Variants in PAN3 observed in about 807,000 individuals in gnomAD.
PAN3 encodes PAN2-PAN3 deadenylation complex subunit PAN3.
PAN3 carries 19 observed loss-of-function variants against 96.2 expected under a neutral mutation model. The observed-to-expected ratio is 0.20, with a 90% confidence interval of 0.14 to 0.29. PAN3 has a LOEUF of 0.29. Ranked by LOEUF, PAN3 falls within the 10% of genes least tolerant of loss-of-function variation. The probability of loss-of-function intolerance (pLI) is 1.00; values close to 1 mark genes in which losing one functional copy is unlikely to be tolerated. For synonymous variants in PAN3, 433 were observed against 406.6 expected, an observed-to-expected ratio of 1.06 and a Z score of -0.78; for missense variants, 882 against 1,108.1, an observed-to-expected ratio of 0.80 and a Z score of 2.90.
intron 13 of PAN3, among the ~76,000 whole-genome samples, chr13:28,271,561 ATGAGGTACCCCTCATAAAGTTAT>A (rs1050098117): frequency 3.7e-4 from 56 of 152,310 alleles, no homozygotes; most frequent in African/African-American, 1.3e-3. Context: ...CTGCTTATTT[ATGAGGTACCCCTCATAAAGTTAT>A]TGAGGGATTT....
intron 4 of PAN3, among the ~76,000 whole-genome samples, chr13:28,195,216 G>A (rs1420299389): frequency 1.3e-5 from 2 of 151,986 alleles, no homozygotes; most frequent in African/African-American, 4.8e-5. Context: ...CAGCCTGGGT[G>A]ACATAATGAA....
rs560539043 is a variant in PAN3 at position 28,281,386 on chromosome 13, A to T, written c.2384+7A>T. On this transcript the variant is annotated splice_region_variant and intron_variant, in intron 17 of 18. Coordinates refer to ENST00000380958, the MANE Select transcript of PAN3 (RefSeq NM_175854.8). ...CAATCAATGAGAGGCCGGAGTAAGG[A>T]TTTACAGTATTTTACAATATATTTT... 21 of 1,595,332 alleles carry T rather than the reference A, an allele frequency of 1.3e-5. No individual in the cohort carries two copies. The African/African-American group carries it at 2.1e-4, about 16-fold the overall frequency.
At chr13:28,287,921 A>G in intron 17 of PAN3, 63 bp from the exon 18 acceptor site, 1 of 1,448,084 alleles carries the variant, frequency 6.9e-7, no homozygotes, top group Non-Finnish European at 9.2e-7. Flanking sequence ...AGTCTAAAAA[A>G]TAGACATATG....
chr13:28,202,338 AC>A (rs1383031824), intron 5 of PAN3, among the ~76,000 whole-genome samples: 2 of 151,992 alleles, frequency 1.3e-5, no homozygotes, highest in Non-Finnish European at 2.9e-5. Flanking sequence ...ACAGTATCTT[AC>A]CCCTCTTCCC....
intron 2 of PAN3, 69 bp from the exon 3 acceptor site, chr13:28,176,424 C>T: frequency 2.9e-6 from 4 of 1,397,368 alleles, no homozygotes; most frequent in Non-Finnish European, 4.1e-6. Flanking sequence ...GAGAGCCAGT[C>T]TTAATTGGTT....
chr13:28,240,915 T>G (rs1012627557), intron 6 of PAN3, among the ~76,000 whole-genome samples: 9 of 152,238 alleles, frequency 5.9e-5, no homozygotes, highest in Non-Finnish European at 1.2e-4. Flanking sequence ...AACATACATA[T>G]GCCTATGTCT....
At chr13:28,270,053 G>C (rs1032521016) in intron 12 of PAN3, among the ~76,000 whole-genome samples, 1 of 152,140 alleles carries the variant, frequency 6.6e-6, no homozygotes, top group Admixed American at 6.5e-5. Context: ...TGTAGCAAAA[G>C]TGTCTCTACA....
chr13:28,161,914 CAG>C (rs1233300381), intron 1 of PAN3, among the ~76,000 whole-genome samples: 4 of 152,150 alleles, frequency 2.6e-5, no homozygotes, highest in Non-Finnish European at 5.9e-5. Context: ...GGTTTTATAA[CAG>C]ATGTGTAAAA....
intron 7 of PAN3, among the ~76,000 whole-genome samples, chr13:28,258,086 G>A (rs895078282): frequency 3.9e-5 from 6 of 151,946 alleles, no homozygotes; most frequent in African/African-American, 1.2e-4. Flanking sequence ...CTGAAGTGCC[G>A]GGATTACAGG....
intron 17 of PAN3, among the ~76,000 whole-genome samples, chr13:28,281,763 A>G (rs948046807): frequency 2.4e-5 from 3 of 122,598 alleles, no homozygotes; most frequent in African/African-American, 9.1e-5. Flanking sequence ...CTATTAAAGC[A>G]CACTTTTTTT....
intron 6 of PAN3, among the ~76,000 whole-genome samples, chr13:28,238,291 A>G (rs930881138): frequency 1.1e-4 from 17 of 152,224 alleles, no homozygotes; most frequent in Non-Finnish European, 2.5e-4. Context: ...GGTAATGTCT[A>G]TCAGGTGGCA....
At chr13:28,287,683 G>A (rs956681035) in intron 17 of PAN3, among the ~76,000 whole-genome samples, 10 of 152,326 alleles carry the variant, frequency 6.6e-5, no homozygotes, top group Admixed American at 3.9e-4. Flanking sequence ...GAAGAGAAGA[G>A]AAGATATTTA....
chr13:28,214,820 G>T, intron 5 of PAN3: 2 of 637,582 alleles, frequency 3.1e-6, no homozygotes, highest in South Asian at 1.6e-5. Context: ...TCAAAAACAT[G>T]ATTACTGGGA....
intron 1 of PAN3, among the ~76,000 whole-genome samples, chr13:28,157,771 A>G (rs187315769): frequency 1.3e-5 from 2 of 152,340 alleles, no homozygotes; most frequent in East Asian, 1.9e-4. Context: ...TAAAATGGCC[A>G]TACTGCCCAA....
intron 1 of PAN3, among the ~76,000 whole-genome samples, chr13:28,170,792 A>G (rs1379554926): frequency 6.6e-6 from 1 of 151,938 alleles, no homozygotes; most frequent in East Asian, 1.9e-4. Context: ...GAATGTCTTT[A>G]TTTATTTTTT....
At chr13:28,144,515 G>A (rs1170129851) in intron 1 of PAN3, among the ~76,000 whole-genome samples, 1 of 151,374 alleles carries the variant, frequency 6.6e-6, no homozygotes, top group African/African-American at 2.4e-5. Context: ...GGGCCCGGCC[G>A]GTTTCGATAA....
intron 6 of PAN3, among the ~76,000 whole-genome samples, chr13:28,239,167 A>ACACC (rs1458757596): frequency 3.7e-5 from 3 of 80,400 alleles, no homozygotes; most frequent in Non-Finnish European, 6.4e-5. Flanking sequence ...CCGCCAACAC[A>ACACC]CACACACACA....
intron 6 of PAN3, among the ~76,000 whole-genome samples, chr13:28,239,214 C>G (rs1883416867): frequency 7.0e-6 from 1 of 142,130 alleles, no homozygotes; most frequent in African/African-American, 2.6e-5. Flanking sequence ...CACACACACA[C>G]ACACACACGG....
At chr13:28,210,346 A>G (rs1164769890) in intron 5 of PAN3, among the ~76,000 whole-genome samples, 1 of 152,168 alleles carries the variant, frequency 6.6e-6, no homozygotes, top group Non-Finnish European at 1.5e-5. Flanking sequence ...GTTCCAACAT[A>G]CACATGCTAC....
Sources: allele counts gnomAD v4.1 joint callset (sites outside exome capture counted in the v4.1 genomes callset), GRCh38; gene constraint gnomAD v4.1.1; transcripts MANE v1.5; gene names NCBI Gene and HGNC (gene_info 2026-07-23, HGNC 2026-07-21).